CASP8: variants seen among roughly 807,000 people sequenced by gnomAD.
CASP8 encodes caspase 8, also known as caspase-8.
Under a neutral mutation model 46.3 loss-of-function variants are expected in CASP8, and 24 were observed. That is an observed-to-expected ratio of 0.52 (90% confidence interval 0.38 to 0.73). CASP8 has a LOEUF of 0.73. Ranked by LOEUF, CASP8 falls within the 30% of genes least tolerant of loss-of-function variation. The pLI, the probability that CASP8 is intolerant of heterozygous loss-of-function variation, is 0.00. For synonymous variants in CASP8, 188 were observed against 200.4 expected (o/e 0.94, Z 0.52); for missense variants, 460 against 559.0 (o/e 0.82, Z 1.79).
chr2:201,247,567 C>T (rs902847697), intron 2 of CASP8, among the ~76,000 whole-genome samples: 8 of 151,052 alleles, frequency 5.3e-5, no homozygotes, highest in Non-Finnish European at 8.9e-5. Flanking sequence ...CAACCTCTGC[C>T]TCCCAGGTTC....
At chr2:201,268,909 TTGTG>T (rs58087434) in intron 2 of CASP8, among the ~76,000 whole-genome samples, 3,633 of 131,590 alleles carry the variant, frequency 0.028, 132 homozygotes, top group African/African-American at 0.08. Context: ...GGCCTCATCT[TTGTG>T]TGTGTGTGTG....
At chr2:201,273,835 C>T (rs539443514) in intron 5 of CASP8, among the ~76,000 whole-genome samples, 4 of 152,042 alleles carry the variant, frequency 2.6e-5, no homozygotes, top group Non-Finnish European at 5.9e-5. Flanking sequence ...CCACCATGCC[C>T]GGCTAATTTT....
At chr2:201,237,078 C>A (rs1010634482) in intron 2 of CASP8, among the ~76,000 whole-genome samples, 12 of 147,682 alleles carry the variant, frequency 8.1e-5, no homozygotes, top group Non-Finnish European at 1.8e-4. Flanking sequence ...CAGTATGACC[C>A]CTTTCTATTT....
At chr2:201,233,942 C>T (rs1478459993) in intron 1 of CASP8, 1 of 152,270 alleles carries the variant, frequency 6.6e-6, no homozygotes, top group Non-Finnish European at 1.5e-5. Flanking sequence ...CGGGTCAAGA[C>T]ATCAGTAGAA....
intron 7 of CASP8, among the ~76,000 whole-genome samples, chr2:201,282,780 C>T (rs1283440773): frequency 5.7e-5 from 5 of 87,194 alleles, no homozygotes; most frequent in Non-Finnish European, 1.4e-4. Flanking sequence ...GCAGAGGCGC[C>T]CCTCACCTCC....
intron 2 of CASP8, among the ~76,000 whole-genome samples, chr2:201,245,422 G>C (rs1946468042): frequency 6.6e-6 from 1 of 151,978 alleles, no homozygotes; most frequent in Non-Finnish European, 1.5e-5. Flanking sequence ...TGTATTTTTA[G>C]TACAGACAGG....
At chr2:201,259,366 G>A (rs1947226894), upstream of CASP8, among the ~76,000 whole-genome samples, 1 of 152,032 alleles carries the variant, frequency 6.6e-6, no homozygotes, top group Non-Finnish European at 1.5e-5. Flanking sequence ...CATAGAGATG[G>A]TGTCTCATTT....
chr2:201,269,593 A>G, intron 2 of CASP8: 1 of 1,611,842 alleles, frequency 6.2e-7, no homozygotes, highest in Non-Finnish European at 8.5e-7. Context: ...AGGGTCGATC[A>G]TCTATTAATA....
chr2:201,286,400 G>C (rs1949560581), intron 8 of CASP8, 59 bp from the exon 9 acceptor site: 1 of 1,585,166 alleles, frequency 6.3e-7, no homozygotes, highest in East Asian at 2.2e-5. Flanking sequence ...CAGCAGAGGA[G>C]ACAGTTCATC....
At chr2:201,281,328 A>G (rs893943766) in intron 7 of CASP8, among the ~76,000 whole-genome samples, 4 of 152,210 alleles carry the variant, frequency 2.6e-5, no homozygotes, top group Non-Finnish European at 5.9e-5. Context: ...AAATTAAAAA[A>G]ATAAAAATAT....
chr2:201,258,729 GGCCC>G (rs1947172267), upstream of CASP8, among the ~76,000 whole-genome samples: 3 of 139,320 alleles, frequency 2.2e-5, no homozygotes, highest in Non-Finnish European at 4.7e-5. Context: ...TTTTTCATTT[GGCCC>G]TGGGGCCGAC....
intron 7 of CASP8, 129 bp downstream of exon 7, chr2:201,277,097 C>T: frequency 1.4e-6 from 1 of 707,984 alleles, no homozygotes; most frequent in Non-Finnish European, 2.5e-6. Context: ...ACATATTTCC[C>T]TGTGGAGGTA....
At chr2:201,282,560 G>GGGGGGCT (rs1949143795) in intron 7 of CASP8, among the ~76,000 whole-genome samples, 1 of 102,128 alleles carries the variant, frequency 9.8e-6, no homozygotes, top group Non-Finnish European at 2.3e-5. Flanking sequence ...CTGGCCGGGC[G>GGGGGGCT]GGGGGCTGAC....
chr2:201,268,279 G>T (rs1326083999), intron 2 of CASP8, among the ~76,000 whole-genome samples: 2 of 152,204 alleles, frequency 1.3e-5, no homozygotes, highest in Non-Finnish European at 1.5e-5. Context: ...GGCCGGGTGA[G>T]GTGGCTCACG....
At chr2:201,256,368 G>A (rs564815509), upstream of CASP8, among the ~76,000 whole-genome samples, 8 of 152,296 alleles carry the variant, frequency 5.3e-5, no homozygotes, top group South Asian at 6.2e-4. Flanking sequence ...GGGACCAATC[G>A]TAGCATCCAC....
intron 7 of CASP8, among the ~76,000 whole-genome samples, chr2:201,278,755 C>T (rs1206469852): frequency 6.6e-6 from 1 of 152,180 alleles, no homozygotes; most frequent in African/African-American, 2.4e-5. Flanking sequence ...TGTTCTTGAA[C>T]TCCTGACCTC....
intron 2 of CASP8, among the ~76,000 whole-genome samples, chr2:201,268,909 T>TTA (rs1553602755): frequency 7.6e-6 from 1 of 131,534 alleles, no homozygotes; most frequent in Non-Finnish European, 1.6e-5. Context: ...GGCCTCATCT[T>TTA]TGTGTGTGTG....
At chr2:201,258,371 A>G (rs779423281), upstream of CASP8, 9 of 1,613,744 alleles carry the variant, frequency 5.6e-6, no homozygotes, top group African/African-American at 2.7e-5. Context: ...GTGCCAGGAA[A>G]GGGTGGAGCG....
At chr2:201,276,422 G>A (rs989692350) in intron 6 of CASP8, among the ~76,000 whole-genome samples, 6 of 152,174 alleles carry the variant, frequency 3.9e-5, no homozygotes, top group Non-Finnish European at 8.8e-5. Context: ...GTCATGGCGT[G>A]GGGGCAGCCA....
Sources: allele counts gnomAD v4.1 joint callset (sites outside exome capture counted in the v4.1 genomes callset), GRCh38; gene constraint gnomAD v4.1.1; transcripts MANE v1.5; gene names NCBI Gene and HGNC (gene_info 2026-07-23, HGNC 2026-07-21).